Variants in CHST3 observed in about 807,000 individuals in gnomAD.
The protein encoded by CHST3 is carbohydrate sulfotransferase 3.
CHST3 carries 20 observed loss-of-function variants against 35.4 expected under a neutral mutation model. That is an observed-to-expected ratio of 0.57 (90% CI 0.40 to 0.82). The LOEUF (loss-of-function observed/expected upper bound fraction) is 0.82, where lower values mean the gene tolerates loss of function less well. CHST3 is among the 40% of genes least tolerant of loss of function. CHST3 has a pLI of 0.00. For missense variants in CHST3, 693 were observed against 670.1 expected, an observed-to-expected ratio of 1.03 and a Z score of -0.38; for synonymous variants, 334 against 295.9, an observed-to-expected ratio of 1.13 and a Z score of -1.32.
chr10:71,997,672 G>A (rs1259514748), intron 1 of CHST3, among the ~76,000 whole-genome samples: 1 of 149,080 alleles, frequency 6.7e-6, no homozygotes, highest in Non-Finnish European at 1.5e-5. Flanking sequence ...GAGAGACCCT[G>A]TCTCCATAAA....
rs545403894 is a variant in CHST3 at position 72,008,118 on chromosome 10, C to T, written c.1087C>T (p.Arg363Trp). 7 of 1,547,428 alleles carry T rather than the reference C, an allele frequency of 4.5e-6. No individual in the cohort carries two copies. The highest frequency in any genetic ancestry group is 4.9e-5 in the East Asian group (2 of 40,836). The change falls in exon 3 of 3, where the codon CGG becomes TGG. Residue 363 changes from arginine (R) to tryptophan (W), a missense_variant. Arg to Trp is a moderately radical substitution (Grantham distance 101, BLOSUM62 -3). Transcript: ENST00000373115. Reference protein sequence around the residue: ...ELGLRQPAWLRGRYMLVRYED... With the variant: ...ELGLRQPAWLWGRYMLVRYED... ...GGGGCTGCGGCAGCCCGCCTGGCTGCGGGGCCGCTACATGCTGGTGCGCTA... is the reference window on the plus strand; with the variant it reads ...GGGGCTGCGGCAGCCCGCCTGGCTGTGGGGCCGCTACATGCTGGTGCGCTA...
At chr10:71,972,048 C>T (rs552926517) in intron 1 of CHST3, among the ~76,000 whole-genome samples, 30 of 152,266 alleles carry the variant, frequency 2.0e-4, no homozygotes, top group African/African-American at 6.7e-4. Context: ...ATAGTAAGAG[C>T]AGCTGGTGTG....
intron 1 of CHST3, among the ~76,000 whole-genome samples, chr10:72,002,527 T>C (rs1840003699): frequency 6.6e-6 from 1 of 152,198 alleles, no homozygotes; most frequent in African/African-American, 2.4e-5. Context: ...GCCCTTTTCA[T>C]GCTACAAACA....
chr10:71,981,382 G>A (rs139241180), intron 1 of CHST3, among the ~76,000 whole-genome samples: 20 of 152,290 alleles, frequency 1.3e-4, no homozygotes, highest in Middle Eastern at 3.4e-3. Context: ...CCCCAGCCTC[G>A]CAGCCCTCCA....
In CHST3 at chr10:72,007,271, G is replaced by C; in HGVS notation, c.240G>C (p.Leu80=). 1 of 1,614,174 alleles carries C rather than the reference G, an allele frequency of 6.2e-7. No individual in the cohort carries two copies. Among genetic ancestry groups the C allele is most frequent in the Non-Finnish European group, 8.5e-7 (1 of 1,180,030 alleles). The stretch of plus-strand genomic sequence containing the variant: ...CTGAGAACGCATCTCTCTTGTCCCT[G>C]AGCGAGCTCGATTCAGCCTTCTCCC... ...ILAENASLLS[L]SELDSAFSQL... is the part of the protein sequence containing the mutation. Residue 80 remains leucine (L), a synonymous_variant, in exon 3 of 3, where the codon CTG becomes CTC. Coordinates refer to ENST00000373115, the MANE Select transcript of CHST3 (RefSeq NM_004273.5).
intron 1 of CHST3, among the ~76,000 whole-genome samples, chr10:71,995,424 A>G (rs1839930517): frequency 1.5e-5 from 1 of 65,394 alleles, no homozygotes; most frequent in Admixed American, 1.8e-4. Context: ...TCTGTCTCAA[A>G]AAAAAAAAAA....
chr10:72,009,430 G>C lies in CHST3; in HGVS notation c.*959G>C, dbSNP rs1159096158. ...CCACATCCTTGCGGCTGGCAGGCAG[G>C]ATGTTTTGAAATGGTGCAGCCAAAG... On this transcript the variant is annotated 3_prime_UTR_variant, in exon 3 of 3. Coordinates refer to ENST00000373115, the MANE Select transcript of CHST3 (RefSeq NM_004273.5). 6.6e-6 allele frequency: 1 copy of C among 152,222 alleles called. No homozygotes were observed. The highest frequency in any genetic ancestry group is 1.5e-5 in the Non-Finnish European group (1 of 68,060). The allele number at this position is 152,222 out of a possible 1,614,324, so 9.4% of individuals were successfully genotyped here. A position where few individuals can be genotyped will look rare whatever the true frequency, so the allele number is the denominator to read the frequency against.
rs1250425572 is a variant in CHST3, at chr10:72,009,124, A to G, written c.*653A>G. 1 of 152,296 alleles carries G rather than the reference A, an allele frequency of 6.6e-6. No homozygotes were observed. The highest frequency in any genetic ancestry group is 2.4e-5 in the African/African-American group (1 of 41,460). 9.4% of individuals were successfully genotyped at this position (152,296 alleles called of 1,614,324 possible). On this transcript the variant is annotated 3_prime_UTR_variant, in exon 3 of 3. Transcript: ENST00000373115. ...AGACATACATACATGTACACCATAC[A>G]TAGACAAGCATCATAAAGGCACAAG...
intron 1 of CHST3, among the ~76,000 whole-genome samples, chr10:71,970,441 G>C (rs556013902): frequency 6.6e-6 from 1 of 152,184 alleles, no homozygotes; most frequent in Non-Finnish European, 1.5e-5. Context: ...CCACCTCGGA[G>C]GCCAGCCCGG....
chr10:72,004,983 T>G (rs1840024538), intron 1 of CHST3, among the ~76,000 whole-genome samples: 1 of 152,084 alleles, frequency 6.6e-6, no homozygotes, highest in South Asian at 2.1e-4. Context: ...TTTTAAAAAT[T>G]AGCTGGGTGT....
rs1216480002 is a variant in CHST3, at chr10:72,008,363, C to T, written c.1332C>T (p.Cys444=). 8 of 1,565,708 alleles carry T rather than the reference C, an allele frequency of 5.1e-6. No homozygotes were observed. Among genetic ancestry groups the T allele is most frequent in the Non-Finnish European group, 6.9e-6 (8 of 1,155,986 alleles). ...TGGCCCAGGTGGTGCAGGCCGCCTG[C>T]GGCCCTGCCATGCGCCTCTTCGGCT... is the stretch of plus-strand genomic sequence containing the variant. The part of the protein sequence containing the change: ...FKLAQVVQAA[C]GPAMRLFGYK... Residue 444 remains cysteine (C), a synonymous_variant, in exon 3 of 3, where the codon TGC becomes TGT. Transcript: ENST00000373115.
In CHST3 at chr10:71,964,699, G is replaced by C. The variant is rs1839611778; in HGVS notation, c.-108+5G>C. ...GGTGGAGTCTCGGCGGCCGGGGTAA[G>C]TGGGGCGCCGGCGTCCTGGAACCGC... On this transcript the variant is annotated splice_donor_5th_base_variant and intron_variant, in intron 1 of 2. Transcript: ENST00000373115. The C allele has an allele frequency of 1.3e-5, 2 of 152,008 alleles. No individual in the cohort carries two copies. Among genetic ancestry groups the C allele is most frequent in the African/African-American group, 4.8e-5 (2 of 41,414 alleles). 9.4% of individuals were successfully genotyped at this position (152,008 alleles called of 1,614,324 possible). A position where few individuals can be genotyped will look rare whatever the true frequency, so the allele number is the denominator to read the frequency against.
rs568269529 is a variant in CHST3, at chr10:71,997,413, GTCACCTCCCCCTCTACC to G, written c.-107-8320_-107-8304del. 2.0e-3 allele frequency among the ~76,000 whole-genome samples: 304 copies of G among 152,254 alleles called. 1 individual carries two copies. Among genetic ancestry groups the G allele is most frequent in the African/African-American group, 7.1e-3 (295 of 41,530 alleles). On this transcript the variant is annotated intron_variant, in intron 1 of 2. Transcript: ENST00000373115. ...TTGACTTCTCAAACATCTCGTGGGT[GTCACCTCCCCCTCTACC>G]TCTCTGCCACTGCCTCGCTCAGCCA... is the stretch of plus-strand genomic sequence containing the variant.
In CHST3 at chr10:72,005,907, G is replaced by GCAAATA; in HGVS notation, c.67_72dup (p.Lys23_Tyr24dup). ...TTTGTGCACAGCCTGAAGATGAGAAGCAAATACGCCCTTTTCTTGGTTTTT... is the reference window on the plus strand; with the variant it reads ...TTTGTGCACAGCCTGAAGATGAGAAGCAAATACAAATACGCCCTTTTCTTGGTTTTT... On this transcript the variant is annotated inframe_insertion, in exon 2 of 3. Coordinates refer to ENST00000373115, the MANE Select transcript of CHST3 (RefSeq NM_004273.5). 2 of 1,614,214 alleles carry GCAAATA rather than the reference G, an allele frequency of 1.2e-6. No individual in the cohort carries two copies. The highest frequency in any genetic ancestry group is 1.7e-6 in the Non-Finnish European group (2 of 1,180,038).
At chr10:71,999,112 G>T (rs1839968078) in intron 1 of CHST3, among the ~76,000 whole-genome samples, 3 of 152,226 alleles carry the variant, frequency 2.0e-5, no homozygotes, top group Non-Finnish European at 4.4e-5. Context: ...ATCTGGGCTG[G>T]ACAGGCCACC....
intron 1 of CHST3, among the ~76,000 whole-genome samples, chr10:71,991,618 G>A (rs887640715): frequency 5.3e-5 from 8 of 151,932 alleles, no homozygotes; most frequent in African/African-American, 1.7e-4. Flanking sequence ...AAATTTTTTT[G>A]TTTCCCAGTG....
intron 1 of CHST3, among the ~76,000 whole-genome samples, chr10:72,003,575 C>G (rs1450269677): frequency 6.6e-6 from 1 of 152,050 alleles, no homozygotes; most frequent in African/African-American, 2.4e-5. Flanking sequence ...GTGGCACACG[C>G]CTGTAATCCC....
chr10:72,005,932 T>G lies in CHST3; in HGVS notation c.90T>G (p.Phe30Leu). The G allele has an allele frequency of 1.2e-6, 2 of 1,614,210 alleles. No individual in the cohort carries two copies. The highest frequency in any genetic ancestry group is 1.7e-6 in the Non-Finnish European group (2 of 1,180,024). ...GCAAATACGCCCTTTTCTTGGTTTT[T>G]GTGGTGATAGTTTTTGTCTTCATCG... ...MRSKYALFLV[F>L]VVIVFVFIEK... The change falls in exon 2 of 3, where the codon TTT becomes TTG. Residue 30 changes from phenylalanine (F) to leucine (L), a missense_variant. By Grantham distance (22) the Phe-to-Leu change is conservative. Coordinates refer to ENST00000373115, the MANE Select transcript of CHST3 (RefSeq NM_004273.5).
chr10:71,979,092 C>T (rs759840495), intron 1 of CHST3, among the ~76,000 whole-genome samples: 2 of 152,298 alleles, frequency 1.3e-5, no homozygotes, highest in South Asian at 2.1e-4. Context: ...ATAGCGCACA[C>T]GTGTTACCTC....
Sources: allele counts gnomAD v4.1 joint callset (sites outside exome capture counted in the v4.1 genomes callset), GRCh38; gene constraint gnomAD v4.1.1; transcripts MANE v1.5; gene names NCBI Gene and HGNC (gene_info 2026-07-23, HGNC 2026-07-21).